LRRC1: variants seen among roughly 807,000 people sequenced by gnomAD.
LRRC1 encodes leucine-rich repeat-containing protein 1.
A neutral mutation model predicts 69.9 loss-of-function variants in LRRC1; 28 were observed. The ratio of observed to expected loss-of-function variants is 0.40; its 90% confidence interval spans 0.30 to 0.55. The LOEUF (loss-of-function observed/expected upper bound fraction) is 0.55, where lower values mean the gene tolerates loss of function less well. Ranked by LOEUF, LRRC1 falls within the 20% of genes least tolerant of loss-of-function variation. The pLI is 0.47. For synonymous variants in LRRC1, 236 were observed against 240.2 expected (o/e 0.98, Z 0.16); for missense variants, 498 against 609.0 (o/e 0.82, Z 1.92).
chr6:53,807,840 G>C (rs1034132934), intron 1 of LRRC1, among the ~76,000 whole-genome samples: 2 of 152,224 alleles, frequency 1.3e-5, no homozygotes, highest in Non-Finnish European at 2.9e-5. Flanking sequence ...TCTATTTAAG[G>C]CCTCTCTAAG....
In LRRC1 at chr6:53,869,252, G is replaced by T. The variant is rs559004258; in HGVS notation, c.278-9741G>T. Among the ~76,000 whole-genome samples the T allele has an allele frequency of 5.3e-5, 8 of 152,198 alleles. No homozygotes were observed. In the East Asian group the frequency reaches 1.2e-3, roughly 22 times the overall value. On this transcript the variant is annotated intron_variant, in intron 2 of 13. Transcript: ENST00000370888. ...AAAAGATGGACAGGAAAAATAATTA[G>T]AGAATACCAAAAGGATTTGGAAATT...
chr6:53,821,186 T>C (rs1480652779), intron 1 of LRRC1, among the ~76,000 whole-genome samples: 1 of 152,226 alleles, frequency 6.6e-6, no homozygotes, highest in Non-Finnish European at 1.5e-5. Flanking sequence ...ATGCTGTACA[T>C]CATTTGAATG....
At chr6:53,918,449 C>T (rs1280965357) in intron 11 of LRRC1, among the ~76,000 whole-genome samples, 1 of 152,176 alleles carries the variant, frequency 6.6e-6, no homozygotes, top group African/African-American at 2.4e-5. Flanking sequence ...TGTCCATGCA[C>T]TCTTTGATTT....
At chr6:53,918,765 A>C (rs1452805841) in intron 11 of LRRC1, among the ~76,000 whole-genome samples, 2 of 152,240 alleles carry the variant, frequency 1.3e-5, no homozygotes, top group African/African-American at 4.8e-5. Context: ...GCAAACATAA[A>C]TATAAAACTA....
intron 1 of LRRC1, among the ~76,000 whole-genome samples, chr6:53,801,214 A>G (rs1764476095): frequency 6.6e-6 from 1 of 152,196 alleles, no homozygotes; most frequent in Non-Finnish European, 1.5e-5. Flanking sequence ...AGCAAGCAGA[A>G]TGTGAATGCA....
intron 10 of LRRC1, among the ~76,000 whole-genome samples, chr6:53,911,288 T>C (rs2127440855): frequency 6.6e-6 from 1 of 152,370 alleles, no homozygotes; most frequent in Admixed American, 6.5e-5. Context: ...CCAGAACATT[T>C]ATTTAGAGCC....
intron 1 of LRRC1, among the ~76,000 whole-genome samples, chr6:53,836,969 A>G (rs753592582): frequency 2.0e-5 from 3 of 152,198 alleles, no homozygotes; most frequent in Non-Finnish European, 4.4e-5. Context: ...TATAAATGAA[A>G]TAATATAGTA....
rs532945702 is a variant in LRRC1 at position 53,860,635 on chromosome 6, T to G, written c.278-18358T>G. On this transcript the variant is annotated intron_variant, in intron 2 of 13. Transcript: ENST00000370888. The stretch of plus-strand genomic sequence containing the variant: ...AAAATGAGAAGGCAGTTAAATTAGA[T>G]CCAAACAGTCCTGCTTTTCATCCAT... Among the ~76,000 whole-genome samples, 4 of 152,286 alleles carry G rather than the reference T, an allele frequency of 2.6e-5. No individual in the cohort carries two copies. The South Asian group carries it at 8.3e-4, about 32-fold the overall frequency.
chr6:53,807,781 C>T (rs1764676737), intron 1 of LRRC1, among the ~76,000 whole-genome samples: 1 of 151,810 alleles, frequency 6.6e-6, no homozygotes, highest in African/African-American at 2.4e-5. Context: ...ACAACAACAA[C>T]ACCCCCCAAA....
At chr6:53,861,324 A>AG (rs1240925416) in intron 2 of LRRC1, among the ~76,000 whole-genome samples, 2 of 151,782 alleles carry the variant, frequency 1.3e-5, no homozygotes, top group Non-Finnish European at 2.9e-5. Flanking sequence ...TCCAATTCTC[A>AG]GGGGACGGTG....
Position 53,919,477 on chromosome 6 carries a change from TAAAAAAAA to T in LRRC1, c.1107-11_1107-4del, listed in dbSNP as rs59865937. On this transcript the variant is annotated splice_polypyrimidine_tract_variant and intron_variant, in intron 11 of 13. Coordinates refer to ENST00000370888, the MANE Select transcript of LRRC1 (RefSeq NM_018214.5). The stretch of plus-strand genomic sequence containing the variant: ...TTTGAGGTTGTGATGTCTCTTTTTT[TAAAAAAAA>T]AAAAAAAAACAGGTTGCTGCATCTA... 7.2e-6 allele frequency: 9 copies of T among 1,257,016 alleles called. No individual in the cohort carries two copies. The highest frequency in any genetic ancestry group is 9.4e-6 in the Non-Finnish European group (9 of 962,368). The allele number at this position is 1,257,016 out of a possible 1,614,324, so 77.9% of individuals were successfully genotyped here.
At chr6:53,892,259 TAAA>T (rs1767731275) in intron 4 of LRRC1, among the ~76,000 whole-genome samples, 1 of 152,126 alleles carries the variant, frequency 6.6e-6, no homozygotes, top group Non-Finnish European at 1.5e-5. Context: ...TTAATTCTCA[TAAA>T]GAAGTTATAA....
intron 1 of LRRC1, among the ~76,000 whole-genome samples, chr6:53,827,275 T>A (rs899500323): frequency 6.8e-6 from 1 of 147,898 alleles, no homozygotes; most frequent in African/African-American, 2.5e-5. Context: ...ATATCCTGAG[T>A]TGGAACTTAA....
intron 4 of LRRC1, among the ~76,000 whole-genome samples, chr6:53,894,141 G>T (rs1767793175): frequency 6.6e-6 from 1 of 152,226 alleles, no homozygotes; most frequent in Non-Finnish European, 1.5e-5. Context: ...GTCAGTGAGG[G>T]TGAGGGCAGG....
In LRRC1 at chr6:53,902,729, T is replaced by G; in HGVS notation, c.888T>G (p.Leu296=). 1.5e-5 allele frequency: 24 copies of G among 1,611,296 alleles called. No homozygotes were observed. Among genetic ancestry groups the G allele is most frequent in the Non-Finnish European group, 2.0e-5 (24 of 1,178,186 alleles). Residue 296 remains leucine (L), a synonymous_variant, in exon 9 of 14, where the codon CTT becomes CTG. Transcript: ENST00000370888. ...GTGAAAGTCTCACTGAGTTAGTTCTTACAGAAAATCAGCTCCTGGTAAGTG... is the reference window on the plus strand; with the variant it reads ...GTGAAAGTCTCACTGAGTTAGTTCTGACAGAAAATCAGCTCCTGGTAAGTG... ...GECESLTELV[L]TENQLLTLPK...
intron 1 of LRRC1, among the ~76,000 whole-genome samples, chr6:53,836,618 T>G (rs1320264490): frequency 9.2e-5 from 14 of 152,210 alleles, no homozygotes; most frequent in Non-Finnish European, 1.5e-5. Flanking sequence ...TCCTAATTAG[T>G]AAGTAGTCTA....
chr6:53,907,206 A>G (rs986883474), intron 10 of LRRC1, among the ~76,000 whole-genome samples: 1 of 152,000 alleles, frequency 6.6e-6, no homozygotes, highest in Non-Finnish European at 1.5e-5. Flanking sequence ...CCAAAAATAT[A>G]TTGCTTTCTC....
chr6:53,887,213 C>G (rs916028008), intron 4 of LRRC1, among the ~76,000 whole-genome samples: 1 of 152,072 alleles, frequency 6.6e-6, no homozygotes, highest in Non-Finnish European at 1.5e-5. Context: ...TTCTGTTGCT[C>G]TAAAACCTTC....
At chr6:53,870,719 A>G (rs771026867) in intron 2 of LRRC1, among the ~76,000 whole-genome samples, 1 of 152,194 alleles carries the variant, frequency 6.6e-6, no homozygotes, top group Non-Finnish European at 1.5e-5. Flanking sequence ...ATACTGTGGA[A>G]TGGAACACTA....
Sources: allele counts gnomAD v4.1 joint callset (sites outside exome capture counted in the v4.1 genomes callset), GRCh38; gene constraint gnomAD v4.1.1; transcripts MANE v1.5; gene names NCBI Gene and HGNC (gene_info 2026-07-23, HGNC 2026-07-21).